KCTD1: variants seen among roughly 807,000 people sequenced by gnomAD.
The protein encoded by KCTD1 is potassium channel tetramerization domain containing 1.
A neutral mutation model predicts 66.0 loss-of-function variants in KCTD1; 24 were observed. The ratio of observed to expected loss-of-function variants is 0.36; its 90% CI spans 0.26 to 0.51. KCTD1 has a LOEUF of 0.51. KCTD1 is among the 20% of genes least tolerant of loss of function. The pLI is 0.95. For synonymous variants in KCTD1, 511 were observed against 517.2 expected (o/e 0.99, Z 0.16); for missense variants, 943 against 1,205.2 (o/e 0.78, Z 3.22).
chr18:26,535,919 T>A (rs2144792531), intron 1 of KCTD1, among the ~76,000 whole-genome samples: 2 of 145,638 alleles, frequency 1.4e-5, no homozygotes, highest in East Asian at 4.1e-4. Flanking sequence ...ACAGTCAGGG[T>A]TTATTCATCT....
chr18:26,463,188 G>T (rs1488786417), intron 3 of KCTD1, among the ~76,000 whole-genome samples: 3 of 152,176 alleles, frequency 2.0e-5, no homozygotes, highest in Non-Finnish European at 4.4e-5. Context: ...AGGCACAGTG[G>T]CTCACACCTG....
At chr18:26,510,896 A>AT (rs757099043) in intron 1 of KCTD1, among the ~76,000 whole-genome samples, 4 of 152,208 alleles carry the variant, frequency 2.6e-5, no homozygotes, top group Non-Finnish European at 4.4e-5. Context: ...GGGAAAGGTC[A>AT]TTTTTGCAAA....
intron 1 of KCTD1, among the ~76,000 whole-genome samples, chr18:26,612,187 C>T (rs1259672551): frequency 6.6e-6 from 1 of 152,100 alleles, no homozygotes; most frequent in Non-Finnish European, 1.5e-5. Context: ...GACCCCAGGG[C>T]TTCTCTCTGT....
At chr18:26,623,396 G>A (rs1987431487) in intron 1 of KCTD1, among the ~76,000 whole-genome samples, 2 of 152,208 alleles carry the variant, frequency 1.3e-5, no homozygotes, top group Middle Eastern at 3.4e-3. Flanking sequence ...CGATACACAC[G>A]TGTCATGGGA....
At chr18:26,612,636 T>C (rs1189445414) in intron 1 of KCTD1, among the ~76,000 whole-genome samples, 2 of 152,208 alleles carry the variant, frequency 1.3e-5, no homozygotes, top group Non-Finnish European at 1.5e-5. Flanking sequence ...AAGGAACCAA[T>C]GCTGCTGATA....
intron 2 of KCTD1, among the ~76,000 whole-genome samples, chr18:26,484,893 G>A (rs977676840): frequency 2.6e-5 from 4 of 152,172 alleles, no homozygotes; most frequent in African/African-American, 7.2e-5. Context: ...GGGAGGCCAC[G>A]GAGGCAGGAA....
chr18:26,575,924 C>T (rs1986215051), intron 1 of KCTD1, among the ~76,000 whole-genome samples: 1 of 152,218 alleles, frequency 6.6e-6, no homozygotes, highest in Non-Finnish European at 1.5e-5. Context: ...TTGCTATTAG[C>T]ATGGCTTGCT....
intron 1 of KCTD1, among the ~76,000 whole-genome samples, chr18:26,609,732 A>G (rs995548622): frequency 2.6e-5 from 4 of 152,236 alleles, no homozygotes. Flanking sequence ...TCAGTGACTG[A>G]AACTACAGCC....
intron 1 of KCTD1, among the ~76,000 whole-genome samples, chr18:26,607,971 A>G (rs1042783190): frequency 2.0e-5 from 3 of 152,038 alleles, no homozygotes; most frequent in Non-Finnish European, 4.4e-5. Flanking sequence ...GGGTCTCACT[A>G]TGTTGCCCAG....
intron 1 of KCTD1, among the ~76,000 whole-genome samples, chr18:26,573,535 A>G (rs1449716203): frequency 6.6e-6 from 1 of 152,260 alleles, no homozygotes; most frequent in East Asian, 1.9e-4. Flanking sequence ...GGGCACAACT[A>G]TGCCGGAAGA....
chr18:26,522,997 T>TA (rs1983986100), intron 1 of KCTD1, among the ~76,000 whole-genome samples: 4 of 152,184 alleles, frequency 2.6e-5, no homozygotes, highest in Non-Finnish European at 5.9e-5. Context: ...AGCCATGGGG[T>TA]AACTTTTGGA....
At chr18:26,496,225 AG>A (rs760472771) in intron 2 of KCTD1, among the ~76,000 whole-genome samples, 3 of 152,184 alleles carry the variant, frequency 2.0e-5, no homozygotes, top group Admixed American at 1.3e-4. Context: ...GTGCGAGTGG[AG>A]GGTCTACTTT....
chr18:26,597,123 G>A (rs897767307), intron 1 of KCTD1, among the ~76,000 whole-genome samples: 2 of 152,234 alleles, frequency 1.3e-5, no homozygotes, highest in East Asian at 1.9e-4. Context: ...ATGGGGTGAG[G>A]AGGACCTCCA....
chr18:26,549,511 G>C (rs1313115299), upstream of KCTD1: 2 of 944,688 alleles, frequency 2.1e-6, no homozygotes, highest in African/African-American at 3.5e-5. Context: ...GAGGCGCTTG[G>C]GACCCCAGGG....
intron 1 of KCTD1, among the ~76,000 whole-genome samples, chr18:26,505,539 C>A (rs141208699): frequency 1.3e-5 from 2 of 152,216 alleles, no homozygotes; most frequent in African/African-American, 4.8e-5. Context: ...GCCCATTGTT[C>A]TCTCCTTTGC....
intron 1 of KCTD1, among the ~76,000 whole-genome samples, chr18:26,515,509 CTTTTTT>C (rs11389627): frequency 2.3e-5 from 3 of 133,124 alleles, no homozygotes; most frequent in East Asian, 4.3e-4. Flanking sequence ...CCTCTTTTTT[CTTTTTT>C]TTTTTTTTTT....
At position 26,608,037 on chromosome 18, in the gene KCTD1, C is replaced by T. The variant is rs149642492; in HGVS notation, c.-16+21110G>A. On this transcript the variant is annotated intron_variant, in intron 1 of 4. Coordinates refer to the KCTD1 transcript ENST00000317932. Reference sequence around the variant, plus strand: ...CTTCCCACCTCAGCCTCCCAAAGTGCTGGGATTACAGGTGTGAGCCACTGC... The same window carrying T: ...CTTCCCACCTCAGCCTCCCAAAGTGTTGGGATTACAGGTGTGAGCCACTGC... 2.1e-3 allele frequency among the ~76,000 whole-genome samples: 321 copies of T among 152,308 alleles called. 2 individuals carry two copies. Among genetic ancestry groups the T allele is most frequent in the Non-Finnish European group, 3.7e-3 (249 of 68,028 alleles).
In KCTD1 at chr18:26,501,077, T is replaced by A; in HGVS notation, c.1983A>T (p.Glu661Asp). The A allele has an allele frequency of 1.2e-6, 2 of 1,612,382 alleles. No individual in the cohort carries two copies. The highest frequency in any genetic ancestry group is 3.3e-4 in the Middle Eastern group (2 of 6,048). ...TTTTCAGTTTTTCAGATTACCTGGA[T>A]TCAGGGTATTTGGTGAGGGTGGCCA... ...SSLATLTKYP[E>D]SRIGRLFDGT... is the part of the protein sequence containing the mutation. Residue 661 changes from glutamate (E) to aspartate (D), a missense_variant, in exon 2 of 5, where the codon GAA (glutamate) becomes GAT (aspartate). Around this residue, in one of 10 missense-constraint regions of KCTD1, gnomAD observed 41 missense variants for 103.8 expected, o/e 0.39. Coordinates refer to ENST00000580059, the MANE Select transcript of KCTD1 (RefSeq NM_001142730.3).
At chr18:26,639,646 C>T (rs1286418684) in intron 1 of KCTD1, among the ~76,000 whole-genome samples, 2 of 152,092 alleles carry the variant, frequency 1.3e-5, no homozygotes, top group Non-Finnish European at 2.9e-5. Context: ...CCCATCCCAT[C>T]GTAGTTATTG....
Sources: allele counts gnomAD v4.1 joint callset (sites outside exome capture counted in the v4.1 genomes callset), GRCh38; gene constraint gnomAD v4.1.1; regional missense constraint gnomAD v4.1.1; transcripts MANE v1.5; gene names NCBI Gene and HGNC (gene_info 2026-07-23, HGNC 2026-07-21).